The following ARPC4 variants were observed in gnomAD, a reference collection of about 807,000 sequenced individuals.
The protein encoded by ARPC4 is actin-related protein 2/3 complex subunit 4.
Under a neutral mutation model 22.8 loss-of-function variants are expected in ARPC4, and 3 were observed. The observed-to-expected ratio is 0.13, with a 90% CI of 0.06 to 0.34. The LOEUF is 0.34. Ranked by LOEUF, ARPC4 falls within the 10% of genes least tolerant of loss-of-function variation. The probability of loss-of-function intolerance (pLI) is 1.00; values close to 1 mark genes in which losing one functional copy is unlikely to be tolerated. For synonymous variants in ARPC4, 80 were observed against 72.5 expected (o/e 1.10, Z -0.52); for missense variants, 98 against 211.0 (o/e 0.46, Z 3.32).
chr3:9,800,938 C>T (rs2078994189), intron 3 of ARPC4, among the ~76,000 whole-genome samples: 1 of 152,058 alleles, frequency 6.6e-6, no homozygotes, highest in African/African-American at 2.4e-5. Context: ...GGGCCAGGCA[C>T]AGTGGCTCAT....
At chr3:9,795,443 C>T (rs2078862320) in intron 1 of ARPC4, among the ~76,000 whole-genome samples, 1 of 152,144 alleles carries the variant, frequency 6.6e-6, no homozygotes, top group African/African-American at 2.4e-5. Flanking sequence ...CATGAACTTC[C>T]TCCTCAGAAA....
At chr3:9,802,682 TTC>T (rs1491019787) in intron 4 of ARPC4, among the ~76,000 whole-genome samples, 2,771 of 72,062 alleles carry the variant, frequency 0.038, 181 homozygotes, top group African/African-American at 0.11. Flanking sequence ...GCCTTTTTTT[TTC>T]TTTTTTTGAG....
chr3:9,796,889 C>T (rs560153916), intron 1 of ARPC4, among the ~76,000 whole-genome samples: 2 of 139,480 alleles, frequency 1.4e-5, no homozygotes, highest in African/African-American at 5.4e-5. Flanking sequence ...TGCAGTGAGC[C>T]GAGATCGTGC....
intron 4 of ARPC4, among the ~76,000 whole-genome samples, chr3:9,803,126 G>A (rs185110349): frequency 1.2e-4 from 19 of 152,180 alleles, no homozygotes; most frequent in African/African-American, 3.9e-4. Flanking sequence ...CTTGTGATCC[G>A]CCCACCTCGG....
upstream of ARPC4, chr3:9,793,037 C>A (rs913121089): frequency 1.9e-6 from 3 of 1,541,390 alleles, no homozygotes; most frequent in Non-Finnish European, 2.6e-6. Flanking sequence ...GGGCGGAGAC[C>A]GTAGCTGCGC....
At chr3:9,805,386 T>C (rs189471465) in intron 5 of ARPC4, among the ~76,000 whole-genome samples, 6 of 152,312 alleles carry the variant, frequency 3.9e-5, no homozygotes, top group African/African-American at 1.4e-4. Context: ...AGCTGGGTTT[T>C]CGGACTCAGA....
At chr3:9,794,975 T>G (rs547162824) in intron 1 of ARPC4, among the ~76,000 whole-genome samples, 1 of 152,200 alleles carries the variant, frequency 6.6e-6, no homozygotes, top group Admixed American at 6.5e-5. Flanking sequence ...GTTAATTGAA[T>G]GGCTGGACCA....
intron 1 of ARPC4, among the ~76,000 whole-genome samples, chr3:9,796,290 A>G (rs1386718231): frequency 6.6e-6 from 1 of 152,222 alleles, no homozygotes; most frequent in Non-Finnish European, 1.5e-5. Context: ...GCTACTCGGG[A>G]GGCTGAAGCA....
At chr3:9,793,279 G>T in intron 1 of ARPC4, 155 bp downstream of exon 1, 1 of 1,375,126 alleles carries the variant, frequency 7.3e-7, no homozygotes, top group Non-Finnish European at 9.6e-7. Flanking sequence ...GACGGGGCGG[G>T]GGCCCGAGGT....
upstream of ARPC4, chr3:9,792,709 G>A: frequency 8.9e-6 from 11 of 1,234,354 alleles, no homozygotes; most frequent in Non-Finnish European, 1.1e-5. Context: ...GCTGCGGGTA[G>A]GAGGGGCGAG....
intron 5 of ARPC4, 23 bp downstream of exon 5, chr3:9,804,036 C>T (rs774118110): frequency 3.1e-6 from 5 of 1,611,420 alleles, no homozygotes; most frequent in Admixed American, 1.7e-5. Context: ...CTTTAGCTTT[C>T]CTTCCAGAGG....
chr3:9,804,092 A>G (rs1483791694), intron 5 of ARPC4, 79 bp downstream of exon 5: 1 of 1,514,632 alleles, frequency 6.6e-7, no homozygotes, highest in Non-Finnish European at 9.0e-7. Context: ...TCTGGTGGGA[A>G]AGGGGTCCAA....
At chr3:9,796,074 C>T (rs999760970) in intron 1 of ARPC4, among the ~76,000 whole-genome samples, 5 of 151,866 alleles carry the variant, frequency 3.3e-5, no homozygotes, top group Admixed American at 1.3e-4. Flanking sequence ...CCAGCCTGGA[C>T]AACAGAGTAA....
At chr3:9,800,576 C>T (rs368324401) in intron 3 of ARPC4, among the ~76,000 whole-genome samples, 1 of 152,122 alleles carries the variant, frequency 6.6e-6, no homozygotes, top group South Asian at 2.1e-4. Flanking sequence ...AGGCATCCGC[C>T]ACCACGCCCA....
Position 9,806,224 on chromosome 3 carries a change from G to T in ARPC4, c.*9G>T, listed in dbSNP as rs755744771. ...TCTCTTGACAGTTTTAAACCATCTGGCTGGATCTCGTGGCCTTCCCCCTCA... is the reference window on the plus strand; with the variant it reads ...TCTCTTGACAGTTTTAAACCATCTGTCTGGATCTCGTGGCCTTCCCCCTCA... On this transcript the variant is annotated 3_prime_UTR_variant, in exon 6 of 6. Transcript: ENST00000397261. 6.2e-7 allele frequency: 1 copy of T among 1,613,866 alleles called. No individual in the cohort carries two copies. Among genetic ancestry groups the T allele is most frequent in the Non-Finnish European group, 8.5e-7 (1 of 1,179,754 alleles).
In ARPC4 at chr3:9,806,383, A is replaced by G. The variant is rs1575338684; in HGVS notation, c.*168A>G. 1.3e-6 allele frequency: 1 copy of G among 779,088 alleles called. No homozygotes were observed. The highest frequency in any genetic ancestry group is 1.7e-5 in the African/African-American group (1 of 59,576). The allele number at this position is 779,088 out of a possible 1,614,324, so 48.3% of individuals were successfully genotyped here. ...CTTGCTAGCTGGGCAAGAAAGCAGCAGTGGACCTGCCCCAAGGCCACACGT... is the reference window on the plus strand; with the variant it reads ...CTTGCTAGCTGGGCAAGAAAGCAGCGGTGGACCTGCCCCAAGGCCACACGT... On this transcript the variant is annotated 3_prime_UTR_variant, in exon 6 of 6. Coordinates refer to ENST00000397261, the MANE Select transcript of ARPC4 (RefSeq NM_005718.5).
Position 9,806,291 on chromosome 3 carries a change from C to G in ARPC4, c.*76C>G. On this transcript the variant is annotated 3_prime_UTR_variant, in exon 6 of 6. Coordinates refer to ENST00000397261, the MANE Select transcript of ARPC4 (RefSeq NM_005718.5). The stretch of plus-strand genomic sequence containing the variant: ...ACGAAGGCGTCCTGGAGTCACTCCC[C>G]GAGCAGCGCGGCGGCGGCAGGGAGT... 1 of 1,537,500 alleles carries G rather than the reference C, an allele frequency of 6.5e-7. No homozygotes were observed. The highest frequency in any genetic ancestry group is 1.4e-5 in the African/African-American group (1 of 73,340).
At chr3:9,800,418 C>A in intron 3 of ARPC4, 122 bp downstream of exon 3, 1 of 865,288 alleles carries the variant, frequency 1.2e-6, no homozygotes, top group Non-Finnish European at 1.8e-6. Context: ...TGCAGGAAAC[C>A]TAGCCTCTGC....
At chr3:9,794,295 C>T (rs1301592350) in intron 1 of ARPC4, among the ~76,000 whole-genome samples, 1 of 151,972 alleles carries the variant, frequency 6.6e-6, no homozygotes, top group East Asian at 1.9e-4. Flanking sequence ...GTCAGGAGAT[C>T]GAGACCATCC....
Sources: allele counts gnomAD v4.1 joint callset (sites outside exome capture counted in the v4.1 genomes callset), GRCh38; gene constraint gnomAD v4.1.1; transcripts MANE v1.5; gene names NCBI Gene and HGNC (gene_info 2026-07-23, HGNC 2026-07-21).